Variants in OSBPL6 observed in about 807,000 individuals in gnomAD.
OSBPL6 encodes the protein oxysterol binding protein like 6.
In OSBPL6, 49 loss-of-function variants were observed where a neutral mutation model predicts 125.8. The ratio of observed to expected loss-of-function variants is 0.39; its 90% CI spans 0.31 to 0.49. The LOEUF is 0.49. Among genes scored for constraint, OSBPL6 ranks in the 20% least tolerant of loss-of-function variants. The probability of loss-of-function intolerance (pLI) is 0.88; values close to 1 mark genes in which losing one functional copy is unlikely to be tolerated. For missense variants in OSBPL6, 986 were observed against 1,135.4 expected (o/e 0.87, Z 1.89); for synonymous variants, 394 against 391.8 (o/e 1.01, Z -0.07).
At chr2:178,229,476 C>T (rs1329714789) in intron 1 of OSBPL6, among the ~76,000 whole-genome samples, 1 of 152,140 alleles carries the variant, frequency 6.6e-6, no homozygotes, top group Non-Finnish European at 1.5e-5. Flanking sequence ...GGCGTGCTTC[C>T]CATTCCCTTT....
At chr2:178,219,505 G>A (rs1406670821) in intron 1 of OSBPL6, among the ~76,000 whole-genome samples, 3 of 152,172 alleles carry the variant, frequency 2.0e-5, no homozygotes, top group Non-Finnish European at 4.4e-5. Context: ...TCATTTACAT[G>A]AGAATCAATG....
chr2:178,367,232 T>C (rs1692922437), intron 13 of OSBPL6, among the ~76,000 whole-genome samples: 1 of 152,088 alleles, frequency 6.6e-6, no homozygotes, highest in Non-Finnish European at 1.5e-5. Context: ...AACAGTCGGG[T>C]AGTAAGATGC....
intron 8 of OSBPL6, among the ~76,000 whole-genome samples, chr2:178,333,492 A>G (rs1689411072): frequency 6.6e-6 from 1 of 152,262 alleles, no homozygotes; most frequent in South Asian, 2.1e-4. Context: ...ACTAACACTC[A>G]GAAGACAACA....
chr2:178,314,670 A>G (rs1302180077), intron 3 of OSBPL6, among the ~76,000 whole-genome samples: 1 of 152,182 alleles, frequency 6.6e-6, no homozygotes, highest in Non-Finnish European at 1.5e-5. Flanking sequence ...TGAACAAACC[A>G]ATAGAATAAC....
At chr2:178,202,591 G>A (rs372208017) in intron 1 of OSBPL6, among the ~76,000 whole-genome samples, 7 of 152,180 alleles carry the variant, frequency 4.6e-5, no homozygotes, top group Admixed American at 4.6e-4. Context: ...GGGAGGCTGA[G>A]GTGGCAGATC....
Position 178,214,997 on chromosome 2 carries a change from T to C in OSBPL6, c.-351+20323T>C, listed in dbSNP as rs1202047662. ...CGGCAATGCCTGGATTAGTATTTGG[T>C]TTAATAACTAGACGGTAGCTTGTAA... On this transcript the variant is annotated intron_variant, in intron 1 of 24. Coordinates refer to ENST00000190611, the MANE Select transcript of OSBPL6 (RefSeq NM_032523.4). Among the ~76,000 whole-genome samples, 6 of 151,850 alleles carry C rather than the reference T, an allele frequency of 4.0e-5. No individual in the cohort carries two copies. In the East Asian group the frequency reaches 1.2e-3, roughly 29 times the overall value.
intron 12 of OSBPL6, 123 bp from the exon 13 acceptor site, chr2:178,361,559 A>T: frequency 9.1e-7 from 1 of 1,093,332 alleles, no homozygotes; most frequent in Non-Finnish European, 1.3e-6. Flanking sequence ...ATTTTTAATT[A>T]GACTATTACA....
At chr2:178,344,597 A>G (rs532790337) in intron 11 of OSBPL6, among the ~76,000 whole-genome samples, 1 of 152,322 alleles carries the variant, frequency 6.6e-6, no homozygotes, top group South Asian at 2.1e-4. Context: ...ATACATGAAG[A>G]CATAATTTAA....
chr2:178,272,133 A>G (rs1175145299), intron 1 of OSBPL6, among the ~76,000 whole-genome samples: 1 of 152,186 alleles, frequency 6.6e-6, no homozygotes, highest in Non-Finnish European at 1.5e-5. Context: ...GCAAGAACTT[A>G]CTGTTCAGCA....
chr2:178,316,184 G>T (rs889288152), intron 3 of OSBPL6, among the ~76,000 whole-genome samples: 27 of 152,290 alleles, frequency 1.8e-4, no homozygotes, highest in African/African-American at 6.5e-4. Context: ...CAAGGAAATA[G>T]ATACTCTCCT....
chr2:178,269,836 G>C (rs186834051), intron 1 of OSBPL6, among the ~76,000 whole-genome samples: 38 of 152,282 alleles, frequency 2.5e-4, no homozygotes, highest in African/African-American at 8.4e-4. Flanking sequence ...CAAATAATAG[G>C]AAAAGCATAG....
At position 178,253,252 on chromosome 2, in the gene OSBPL6, C is replaced by T. The variant is rs182098968; in HGVS notation, c.-350-31675C>T. ...GGCCAGGCTGGTCTCGAACTCCTGACCTCAGGCAATCACCCACCTCGGCCT... is the reference window on the plus strand; with the variant it reads ...GGCCAGGCTGGTCTCGAACTCCTGATCTCAGGCAATCACCCACCTCGGCCT... On this transcript the variant is annotated intron_variant, in intron 1 of 24. Transcript: ENST00000190611. 8.7e-4 allele frequency among the ~76,000 whole-genome samples: 133 copies of T among 152,256 alleles called. 1 individual carries two copies. The highest frequency in any genetic ancestry group is 3.1e-3 in the African/African-American group (130 of 41,564).
At chr2:178,220,079 C>G (rs2090271865) in intron 1 of OSBPL6, among the ~76,000 whole-genome samples, 1 of 152,176 alleles carries the variant, frequency 6.6e-6, no homozygotes, top group South Asian at 2.1e-4. Flanking sequence ...ATGGAGGTGT[C>G]TGTTCCCCCA....
intron 1 of OSBPL6, among the ~76,000 whole-genome samples, chr2:178,213,392 C>G (rs1329952846): frequency 2.0e-5 from 3 of 152,010 alleles, no homozygotes; most frequent in Non-Finnish European, 4.4e-5. Context: ...TTGTCCCTCC[C>G]AAATCCACCC....
chr2:178,345,287 G>A (rs1324204350), intron 11 of OSBPL6, among the ~76,000 whole-genome samples: 3 of 152,196 alleles, frequency 2.0e-5, no homozygotes, highest in Non-Finnish European at 4.4e-5. Flanking sequence ...TGTATTTTAA[G>A]ACTAGAATTG....
At chr2:178,352,158 C>T (rs1395468335) in intron 12 of OSBPL6, among the ~76,000 whole-genome samples, 1 of 152,314 alleles carries the variant, frequency 6.6e-6, no homozygotes, top group Non-Finnish European at 1.5e-5. Flanking sequence ...TTCTGCAGCT[C>T]CCAGTGTGAT....
intron 2 of OSBPL6, among the ~76,000 whole-genome samples, chr2:178,303,171 A>G (rs913827922): frequency 5.3e-5 from 8 of 152,210 alleles, no homozygotes; most frequent in Non-Finnish European, 1.2e-4. Context: ...TTTGCCAATA[A>G]TGAATGAAAC....
intron 1 of OSBPL6, among the ~76,000 whole-genome samples, chr2:178,238,788 G>C (rs1324457582): frequency 6.6e-6 from 1 of 152,098 alleles, no homozygotes; most frequent in African/African-American, 2.4e-5. Context: ...TACCCACTGG[G>C]GATCTTGGAA....
In OSBPL6 at chr2:178,401,093, C is replaced by G. The variant is rs1157709917; in HGVS notation, c.*5534C>G. 6.6e-6 allele frequency: 1 copy of G among 152,160 alleles called. No homozygotes were observed. Among genetic ancestry groups the G allele is most frequent in the African/African-American group, 2.4e-5 (1 of 41,444 alleles). 9.4% of individuals were successfully genotyped at this position (152,160 alleles called of 1,614,324 possible). A position where few individuals can be genotyped will look rare whatever the true frequency, so the allele number is the denominator to read the frequency against. The stretch of plus-strand genomic sequence containing the variant: ...AATTAATGGATTAATTTCCATGCTT[C>G]TGGTGATGTAACACCACTTGGTGGT... On this transcript the variant is annotated 3_prime_UTR_variant, in exon 25 of 25. Transcript: ENST00000190611.
Sources: allele counts gnomAD v4.1 joint callset (sites outside exome capture counted in the v4.1 genomes callset), GRCh38; gene constraint gnomAD v4.1.1; transcripts MANE v1.5; gene names NCBI Gene and HGNC (gene_info 2026-07-23, HGNC 2026-07-21).